The following COBL variants were observed in gnomAD, a reference collection of about 807,000 sequenced individuals.
COBL encodes the protein cordon-bleu WH2 repeat protein, also known as protein cordon-bleu.
Under a neutral mutation model 98.8 loss-of-function variants are expected in COBL, and 51 were observed. The observed-to-expected ratio is 0.52, with a 90% CI of 0.41 to 0.65. The LOEUF (loss-of-function observed/expected upper bound fraction) is 0.65, where lower values mean the gene tolerates loss of function less well. COBL is among the 30% of genes least tolerant of loss of function. The probability of loss-of-function intolerance (pLI) is 0.00; values close to 1 mark genes in which losing one functional copy is unlikely to be tolerated. For missense variants in COBL, 1,617 were observed against 1,617.5 expected (o/e 1.00, Z 0.01); for synonymous variants, 634 against 651.7 (o/e 0.97, Z 0.41).
At chr7:51,304,114 A>G (rs868320593) in intron 1 of COBL, among the ~76,000 whole-genome samples, 10 of 152,220 alleles carry the variant, frequency 6.6e-5, no homozygotes, top group South Asian at 4.1e-4. Flanking sequence ...CGCCAGCACC[A>G]AGGTCAGCTT....
chr7:51,093,015 A>C lies in COBL; in HGVS notation c.958-7711T>G, dbSNP rs114792925. Among the ~76,000 whole-genome samples the C allele has an allele frequency of 7.1e-3, 1,085 of 152,328 alleles. 13 individuals carry two copies. Among genetic ancestry groups the C allele is most frequent in the African/African-American group, 0.025 (1,053 of 41,572 alleles). On this transcript the variant is annotated intron_variant, in intron 6 of 12. Transcript: ENST00000265136. ...TCCTTGTTTAAATTAACACATACAAAAATTCATAAATAGGAATGCATTAAA... is the reference window on the plus strand; with the variant it reads ...TCCTTGTTTAAATTAACACATACAACAATTCATAAATAGGAATGCATTAAA...
At chr7:51,080,976 C>T (rs1284452848) in intron 7 of COBL, among the ~76,000 whole-genome samples, 2 of 152,168 alleles carry the variant, frequency 1.3e-5, no homozygotes, top group Non-Finnish European at 2.9e-5. Context: ...CCTGCTTAGG[C>T]GGGGAATCCT....
chr7:51,223,017 A>G (rs10257170), intron 1 of COBL, among the ~76,000 whole-genome samples: 2,738 of 152,322 alleles, frequency 0.018, 74 homozygotes, highest in African/African-American at 0.062. Flanking sequence ...TCTACAGCAC[A>G]CACAAAGGTG....
intron 5 of COBL, among the ~76,000 whole-genome samples, chr7:51,167,030 C>T (rs1394774306): frequency 6.6e-6 from 1 of 152,120 alleles, no homozygotes; most frequent in African/African-American, 2.4e-5. Flanking sequence ...AGCCTTTCCC[C>T]TAAGATCTGG....
chr7:51,238,116 C>T (rs1795445056), intron 1 of COBL, among the ~76,000 whole-genome samples: 2 of 152,356 alleles, frequency 1.3e-5, no homozygotes, highest in Non-Finnish European at 1.5e-5. Context: ...CCAGAGAGGA[C>T]GCTGGGACCA....
At chr7:51,093,010 T>C (rs1402117089) in intron 6 of COBL, among the ~76,000 whole-genome samples, 1 of 152,110 alleles carries the variant, frequency 6.6e-6, no homozygotes, top group Admixed American at 6.5e-5. Context: ...AATTAACACA[T>C]ACAAAAATTC....
chr7:51,302,793 C>T (rs1802102135), intron 1 of COBL, among the ~76,000 whole-genome samples: 1 of 152,086 alleles, frequency 6.6e-6, no homozygotes, highest in South Asian at 2.1e-4. Flanking sequence ...AATACTGGAA[C>T]TTAACTGAGA....
Position 51,028,721 on chromosome 7 carries a change from G to A in COBL, c.2375C>T (p.Pro792Leu), listed in dbSNP as rs150697717. 81 of 1,613,954 alleles carry A rather than the reference G, an allele frequency of 5.0e-5. No individual in the cohort carries two copies. In the African/African-American group the frequency reaches 1.0e-3, roughly 20 times the overall value. Residue 792 changes from proline (P) to leucine (L), a missense_variant, in exon 10 of 13, where the codon CCC becomes CTC. By Grantham distance (98) the Pro-to-Leu change is moderately conservative (BLOSUM62 -3). This residue lies in a region of COBL where 1,304 missense variants were observed against 1,282.0 expected (regional missense o/e 1.02). Coordinates refer to ENST00000265136, the MANE Select transcript of COBL (RefSeq NM_015198.5). ...CGTCTGCGTGGGCACAGGGGTGGAGGGGGGTCCCCTGGCAGAGCTCTCTGA... is the reference window on the plus strand; with the variant it reads ...CGTCTGCGTGGGCACAGGGGTGGAGAGGGGTCCCCTGGCAGAGCTCTCTGA... ...RPSESSARGPPSTPVPTQTQN... is the reference protein window; with the variant it reads ...RPSESSARGPLSTPVPTQTQN...
At chr7:51,103,781 T>A (rs1206297820) in intron 6 of COBL, among the ~76,000 whole-genome samples, 1 of 152,242 alleles carries the variant, frequency 6.6e-6, no homozygotes, top group Non-Finnish European at 1.5e-5. Flanking sequence ...TAAAGTGGCA[T>A]CTCATCCATG....
chr7:51,086,047 T>A (rs1045815766), intron 6 of COBL, among the ~76,000 whole-genome samples: 1 of 152,196 alleles, frequency 6.6e-6, no homozygotes, highest in African/African-American at 2.4e-5. Context: ...TCTGTAAAAT[T>A]GAATTCACTG....
chr7:51,056,102 A>G (rs962786609), intron 7 of COBL, among the ~76,000 whole-genome samples: 2 of 152,184 alleles, frequency 1.3e-5, no homozygotes, highest in Admixed American at 6.5e-5. Context: ...TGCGGAAACT[A>G]TAATAGAATA....
intron 5 of COBL, among the ~76,000 whole-genome samples, chr7:51,161,356 C>T (rs1239677822): frequency 1.3e-5 from 2 of 152,200 alleles, no homozygotes; most frequent in Non-Finnish European, 2.9e-5. Context: ...TATGGAGTTT[C>T]CTTTAAAATG....
intron 1 of COBL, among the ~76,000 whole-genome samples, chr7:51,237,756 C>A (rs910829283): frequency 6.6e-6 from 1 of 152,120 alleles, no homozygotes; most frequent in Non-Finnish European, 1.5e-5. Context: ...GAAACAGGAA[C>A]GTGTTCAGTA....
At chr7:51,037,513 G>A (rs2285844) in intron 8 of COBL, among the ~76,000 whole-genome samples, 24,171 of 152,196 alleles carry the variant, frequency 0.16, 2,040 homozygotes, top group South Asian at 0.22. Context: ...GATGCCTTTC[G>A]GAAGAGTCTG....
chr7:51,064,552 A>G (rs999593777), intron 7 of COBL: 2 of 152,598 alleles, frequency 1.3e-5, no homozygotes, highest in African/African-American at 4.8e-5. Context: ...ATATGCTACA[A>G]TATGGATAAA....
chr7:51,093,235 CA>C (rs894444757), intron 6 of COBL, among the ~76,000 whole-genome samples: 1 of 150,562 alleles, frequency 6.6e-6, no homozygotes, highest in Non-Finnish European at 1.5e-5. Flanking sequence ...AGACATTTTG[CA>C]AAAAAAAGAG....
chr7:51,051,979 A>G (rs1170921984), intron 7 of COBL, among the ~76,000 whole-genome samples: 1 of 152,214 alleles, frequency 6.6e-6, no homozygotes, highest in African/African-American at 2.4e-5. Flanking sequence ...ATGGGCTTTA[A>G]GAGTAGTCTA....
rs1206365528 is a variant in COBL at position 51,273,258 on chromosome 7, G to A, written c.41+43335C>T. Reference sequence around the variant, plus strand: ...GCAGGAGAATCGCTTGAACCTGGAGGCAGAGGTTGCAGTGAGCTGAGATCG... The same window carrying A: ...GCAGGAGAATCGCTTGAACCTGGAGACAGAGGTTGCAGTGAGCTGAGATCG... On this transcript the variant is annotated intron_variant, in intron 1 of 12. Coordinates refer to ENST00000265136, the MANE Select transcript of COBL (RefSeq NM_015198.5). 8.0e-5 allele frequency among the ~76,000 whole-genome samples: 12 copies of A among 150,028 alleles called. No homozygotes were observed. The East Asian group carries it at 2.4e-3, about 29-fold the overall frequency.
chr7:51,314,992 C>T (rs541431538), intron 1 of COBL, among the ~76,000 whole-genome samples: 1 of 152,280 alleles, frequency 6.6e-6, no homozygotes, highest in South Asian at 2.1e-4. Flanking sequence ...CTTACAGATA[C>T]TCTTTGGATA....
Sources: allele counts gnomAD v4.1 joint callset (sites outside exome capture counted in the v4.1 genomes callset), GRCh38; gene constraint gnomAD v4.1.1; regional missense constraint gnomAD v4.1.1; transcripts MANE v1.5; gene names NCBI Gene and HGNC (gene_info 2026-07-23, HGNC 2026-07-21).